The following FNDC3B variants were observed in gnomAD, a reference collection of about 807,000 sequenced individuals.
FNDC3B encodes fibronectin type III domain-containing protein 3B.
In FNDC3B, 12 loss-of-function variants were observed where a neutral mutation model predicts 151.5. The ratio of observed to expected loss-of-function variants is 0.08; its 90% CI spans 0.05 to 0.13. The LOEUF (loss-of-function observed/expected upper bound fraction) is 0.13. Among genes scored for constraint, FNDC3B ranks in the 10% least tolerant of loss-of-function variants. FNDC3B has a pLI of 1.00. For missense variants in FNDC3B, 1,214 were observed against 1,505.3 expected, an observed-to-expected ratio of 0.81 and a Z score of 3.20; for synonymous variants, 528 against 549.0, an observed-to-expected ratio of 0.96 and a Z score of 0.54.
At position 172,229,136 on chromosome 3, in the gene FNDC3B, C is replaced by CACACACACAA. The variant is rs1272151522; in HGVS notation, c.264+2190_264+2191insCACACACAAA. On this transcript the variant is annotated intron_variant, in intron 4 of 25. Transcript: ENST00000415807. ...ACACACACACACACACACACACACA[C>CACACACACAA]AATCTCCTGCAGCAGGCTGGACATA... Among the ~76,000 whole-genome samples the CACACACACAA allele has an allele frequency of 1.3e-3, 107 of 81,682 alleles. 1 individual carries two copies. Among genetic ancestry groups the CACACACACAA allele is most frequent in the African/African-American group, 4.3e-3 (100 of 23,272 alleles). The allele number at this position is 81,682 out of a possible 152,430, so 53.6% of individuals were successfully genotyped here.
intron 9 of FNDC3B, among the ~76,000 whole-genome samples, chr3:172,304,548 C>T (rs1731094960): frequency 6.6e-6 from 1 of 152,150 alleles, no homozygotes; most frequent in South Asian, 2.1e-4. Context: ...GCACCTGCTC[C>T]ATCTAAAGCG....
At chr3:172,195,249 G>A (rs1724763910) in intron 3 of FNDC3B, among the ~76,000 whole-genome samples, 1 of 152,046 alleles carries the variant, frequency 6.6e-6, no homozygotes, top group Non-Finnish European at 1.5e-5. Flanking sequence ...GTGATTCTTG[G>A]CAGGGTATTT....
chr3:172,373,522 G>T (rs1734982544), intron 23 of FNDC3B, among the ~76,000 whole-genome samples: 3 of 152,188 alleles, frequency 2.0e-5, no homozygotes, highest in South Asian at 4.1e-4. Flanking sequence ...AAAATGTGTA[G>T]TCTTCAATCA....
rs186253420 is a variant in FNDC3B, at chr3:172,085,776, T to C, written c.-28-26676T>C. ...AAGGAATTAACCTCAGTGCTTTGAC[T>C]GTGGAAGTGGTAGCATGGAATGTGA... is the stretch of plus-strand genomic sequence containing the variant. On this transcript the variant is annotated intron_variant, in intron 1 of 25. Coordinates refer to ENST00000415807, the MANE Select transcript of FNDC3B (RefSeq NM_022763.4). Among the ~76,000 whole-genome samples, 264 of 152,314 alleles carry C rather than the reference T, an allele frequency of 1.7e-3. 1 individual carries two copies. Among genetic ancestry groups the C allele is most frequent in the African/African-American group, 6.0e-3 (250 of 41,564 alleles).
intron 23 of FNDC3B, among the ~76,000 whole-genome samples, chr3:172,372,876 A>G (rs1266021804): frequency 6.6e-6 from 1 of 152,192 alleles, no homozygotes; most frequent in East Asian, 1.9e-4. Context: ...TCTTAAAACA[A>G]TCTACGAGGT....
intron 6 of FNDC3B, among the ~76,000 whole-genome samples, chr3:172,283,320 A>C (rs756446767): frequency 1.3e-5 from 2 of 151,474 alleles, no homozygotes; most frequent in Non-Finnish European, 2.9e-5. Context: ...TTCTTCTGTC[A>C]TGTGTATTTG....
At chr3:172,171,582 G>A (rs910605240) in intron 3 of FNDC3B, among the ~76,000 whole-genome samples, 1 of 149,850 alleles carries the variant, frequency 6.7e-6, no homozygotes, top group Non-Finnish European at 1.5e-5. Flanking sequence ...ATTCCTGAGA[G>A]GAAAACAGCT....
At chr3:172,129,788 A>G in intron 2 of FNDC3B, among the ~76,000 whole-genome samples, 1 of 151,074 alleles carries the variant, frequency 6.6e-6, no homozygotes, top group East Asian at 2.0e-4. Context: ...GAGAAAAAAA[A>G]TATCTAGTTA....
Position 172,227,018 on chromosome 3 carries a change from C to T in FNDC3B, c.264+71C>T, listed in dbSNP as rs1436083133. On this transcript the variant is annotated intron_variant, in intron 4 of 25. Coordinates refer to ENST00000415807, the MANE Select transcript of FNDC3B (RefSeq NM_022763.4). ...TGCTCCAACAGAATATATGTTGAGG[C>T]TTCAAAGCCATATTCCAGGAGTTAA... 4 of 1,058,314 alleles carry T rather than the reference C, an allele frequency of 3.8e-6. No individual in the cohort carries two copies. The African/African-American group carries it at 6.2e-5, about 17-fold the overall frequency. 65.6% of individuals were successfully genotyped at this position (1,058,314 alleles called of 1,614,324 possible). A position where few individuals can be genotyped will look rare whatever the true frequency, so the allele number is the denominator to read the frequency against.
chr3:172,337,104 A>G (rs943468051), intron 15 of FNDC3B, among the ~76,000 whole-genome samples: 2 of 152,018 alleles, frequency 1.3e-5, no homozygotes, highest in South Asian at 2.1e-4. Context: ...GCTCTTTGAC[A>G]TTTCTATATC....
chr3:172,075,746 CACACACACACACACACACACAA>C (rs1250361441), intron 1 of FNDC3B, among the ~76,000 whole-genome samples: 93 of 151,768 alleles, frequency 6.1e-4, no homozygotes, highest in African/African-American at 2.1e-3. Context: ...CACACACACA[CACACACACACACACACACACAA>C]ACATTTATAT....
intron 9 of FNDC3B, 127 bp downstream of exon 9, chr3:172,298,914 T>TG: frequency 1.7e-6 from 1 of 578,396 alleles, no homozygotes; most frequent in Non-Finnish European, 3.0e-6. Context: ...CCATGGCTTA[T>TG]GGGCCATTCA....
At chr3:172,274,319 G>T (rs1278868338) in intron 6 of FNDC3B, among the ~76,000 whole-genome samples, 3 of 152,120 alleles carry the variant, frequency 2.0e-5, no homozygotes, top group Non-Finnish European at 4.4e-5. Context: ...TCTTCCAGCG[G>T]ATAGATTTGT....
intron 6 of FNDC3B, among the ~76,000 whole-genome samples, chr3:172,254,564 G>GT (rs935116462): frequency 3.9e-5 from 6 of 152,128 alleles, no homozygotes; most frequent in African/African-American, 1.4e-4. Context: ...AATGAGTCCT[G>GT]TTTTCTTAAT....
At chr3:172,301,198 C>A (rs1730896297) in intron 9 of FNDC3B, among the ~76,000 whole-genome samples, 1 of 152,158 alleles carries the variant, frequency 6.6e-6, no homozygotes. Flanking sequence ...TATTTTAGAC[C>A]TGTAAAGTCA....
In FNDC3B at chr3:172,397,523, C is replaced by A; in HGVS notation, c.*48C>A. 1 of 1,204,374 alleles carries A rather than the reference C, an allele frequency of 8.3e-7. No homozygotes were observed. Among genetic ancestry groups the A allele is most frequent in the Non-Finnish European group, 1.2e-6 (1 of 863,726 alleles). The allele number at this position is 1,204,374 out of a possible 1,614,324, so 74.6% of individuals were successfully genotyped here. On this transcript the variant is annotated 3_prime_UTR_variant, in exon 26 of 26. Coordinates refer to ENST00000415807, the MANE Select transcript of FNDC3B (RefSeq NM_022763.4). The stretch of plus-strand genomic sequence containing the variant: ...AATTAATGCTACACATTTTAATACA[C>A]ACATTTATTCAGATACTCCCCTTTT...
chr3:172,291,101 T>G (rs1185676988), intron 7 of FNDC3B, among the ~76,000 whole-genome samples: 1 of 152,156 alleles, frequency 6.6e-6, no homozygotes, highest in Non-Finnish European at 1.5e-5. Context: ...ATGGAAAATT[T>G]TACAGAACAG....
At chr3:172,378,132 A>G in intron 23 of FNDC3B, 138 bp from the exon 24 acceptor site, 2 of 617,912 alleles carry the variant, frequency 3.2e-6, no homozygotes, top group Non-Finnish European at 2.7e-6. Context: ...TAATGTAGCA[A>G]CTGGCTGATT....
chr3:172,219,903 A>G (rs1447330774), intron 3 of FNDC3B, among the ~76,000 whole-genome samples: 1 of 152,230 alleles, frequency 6.6e-6, no homozygotes, highest in Non-Finnish European at 1.5e-5. Flanking sequence ...GAACATGAAC[A>G]CATGTACAGG....
Sources: allele counts gnomAD v4.1 joint callset (sites outside exome capture counted in the v4.1 genomes callset), GRCh38; gene constraint gnomAD v4.1.1; transcripts MANE v1.5; gene names NCBI Gene and HGNC (gene_info 2026-07-23, HGNC 2026-07-21).